Variants in SGCD observed in about 807,000 individuals in gnomAD.
The protein encoded by SGCD is sarcoglycan delta.
A neutral mutation model predicts 36.6 loss-of-function variants in SGCD; 18 were observed. The ratio of observed to expected loss-of-function variants is 0.49; its 90% CI spans 0.34 to 0.73. The LOEUF (loss-of-function observed/expected upper bound fraction) is 0.73. SGCD is among the 30% of genes least tolerant of loss of function. The pLI is 0.01. For synonymous variants in SGCD, 133 were observed against 130.6 expected, an observed-to-expected ratio of 1.02 and a Z score of -0.12; for missense variants, 387 against 346.7, an observed-to-expected ratio of 1.12 and a Z score of -0.92.
At chr5:156,098,823 C>T (rs1224864797) in intron 1 of SGCD, among the ~76,000 whole-genome samples, 3 of 152,168 alleles carry the variant, frequency 2.0e-5, no homozygotes. Context: ...CTGGTTCAGG[C>T]TGCTTACTGT....
At chr5:156,532,644 G>A (rs1757934637) in intron 4 of SGCD, among the ~76,000 whole-genome samples, 1 of 151,960 alleles carries the variant, frequency 6.6e-6, no homozygotes, top group African/African-American at 2.4e-5. Context: ...TATTTTTTTA[G>A]TTGAGACAGG....
chr5:156,145,969 T>C (rs1309061262), intron 3 of SGCD, among the ~76,000 whole-genome samples: 4 of 152,290 alleles, frequency 2.6e-5, no homozygotes, highest in African/African-American at 9.6e-5. Context: ...ATACCAGCAC[T>C]TTGGGAGGCC....
At chr5:156,423,323 T>TATTATA (rs1561685657) in intron 3 of SGCD, among the ~76,000 whole-genome samples, 1 of 68,210 alleles carries the variant, frequency 1.5e-5, no homozygotes, top group Non-Finnish European at 2.4e-5. Flanking sequence ...TAATATAATA[T>TATTATA]ATTTTATTAT....
chr5:156,412,843 C>T (rs891515308), intron 3 of SGCD, among the ~76,000 whole-genome samples: 9 of 142,874 alleles, frequency 6.3e-5, no homozygotes, highest in African/African-American at 1.6e-4. Flanking sequence ...GGCCGGACTG[C>T]GGACTGCAGT....
At chr5:156,737,187 A>G (rs1321876730) in intron 7 of SGCD, among the ~76,000 whole-genome samples, 1 of 152,214 alleles carries the variant, frequency 6.6e-6, no homozygotes, top group Non-Finnish European at 1.5e-5. Context: ...GCTGATTACA[A>G]TGTACTTTTT....
chr5:156,256,899 CT>C (rs1440694270), intron 3 of SGCD, among the ~76,000 whole-genome samples: 1 of 152,148 alleles, frequency 6.6e-6, no homozygotes, highest in Non-Finnish European at 1.5e-5. Context: ...AAAAATGAGG[CT>C]GAGCGTGGTG....
At position 156,221,676 on chromosome 5, in the gene SGCD, T is replaced by A. The variant is rs568093821; in HGVS notation, c.-44+97657T>A. Among the ~76,000 whole-genome samples the A allele has an allele frequency of 1.2e-4, 18 of 152,144 alleles. No homozygotes were observed. In the South Asian group the frequency reaches 3.7e-3, roughly 32 times the overall value. ...TTATTATTCTCATTATTATTGGAGA[T>A]TTGTTGTATTATTGGGAATAAAATC... On this transcript the variant is annotated intron_variant, in intron 3 of 9. Transcript: ENST00000517913.
chr5:155,945,677 A>G (rs1581005506), intron 1 of SGCD, among the ~76,000 whole-genome samples: 1 of 152,230 alleles, frequency 6.6e-6, no homozygotes, highest in African/African-American at 2.4e-5. Context: ...GGTGCCAGGG[A>G]CCCTCAAGGA....
chr5:155,757,264 G>C, the SGCD span, among the ~76,000 whole-genome samples: 1 of 152,180 alleles, frequency 6.6e-6, no homozygotes, highest in Non-Finnish European at 1.5e-5. Context: ...CAATGAGCCA[G>C]TATTTATTGA....
chr5:156,353,463 G>A (rs1397801664), intron 3 of SGCD, among the ~76,000 whole-genome samples: 1 of 152,228 alleles, frequency 6.6e-6, no homozygotes, highest in African/African-American at 2.4e-5. Flanking sequence ...GAAGGGTAAT[G>A]ATGGAGTGTG....
At chr5:156,414,253 C>A (rs1393982935) in intron 3 of SGCD, among the ~76,000 whole-genome samples, 1 of 152,194 alleles carries the variant, frequency 6.6e-6, no homozygotes, top group Non-Finnish European at 1.5e-5. Flanking sequence ...TCTTATACAT[C>A]TCTACCAGGC....
chr5:156,287,920 T>C (rs1489045332), intron 3 of SGCD, among the ~76,000 whole-genome samples: 2 of 151,998 alleles, frequency 1.3e-5, no homozygotes, highest in East Asian at 1.9e-4. Flanking sequence ...AGGCTAGAGA[T>C]AGAAAATATA....
chr5:156,752,292 G>A (rs989969096), intron 7 of SGCD, among the ~76,000 whole-genome samples: 18 of 152,246 alleles, frequency 1.2e-4, no homozygotes, highest in South Asian at 1.0e-3. Context: ...TGTTACTCCC[G>A]GGGGGAAGGA....
At position 156,730,552 on chromosome 5, in the gene SGCD, G is replaced by T. The variant is rs540242146; in HGVS notation, c.576-27029G>T. ...CCATCCATATTCCTGCAAAGGATATGATTTCATTTTTTTATGGCTGCATAG... is the reference window on the plus strand; with the variant it reads ...CCATCCATATTCCTGCAAAGGATATTATTTCATTTTTTTATGGCTGCATAG... On this transcript the variant is annotated intron_variant, in intron 7 of 8. Transcript: ENST00000337851. Among the ~76,000 whole-genome samples the T allele has an allele frequency of 7.2e-5, 11 of 152,186 alleles. No homozygotes were observed. In the South Asian group the frequency reaches 2.3e-3, roughly 32 times the overall value.
chr5:156,595,054 A>G lies in SGCD; in HGVS notation c.502+3A>G. The G allele has an allele frequency of 6.2e-7, 1 of 1,608,898 alleles. No homozygotes were observed. Among genetic ancestry groups the G allele is most frequent in the South Asian group, 1.1e-5 (1 of 90,030 alleles). ...AGCTGAAAGATTACGAGTTTTAGGT[A>G]AGGAAACTTGAATCATTTAACTTGT... is the stretch of plus-strand genomic sequence containing the variant. On this transcript the variant is annotated splice_donor_region_variant and intron_variant, in intron 6 of 8. Transcript: ENST00000337851.
intron 3 of SGCD, among the ~76,000 whole-genome samples, chr5:156,193,209 G>C (rs1229965009): frequency 1.3e-5 from 2 of 152,014 alleles, no homozygotes; most frequent in African/African-American, 4.8e-5. Context: ...CTGGACTCCT[G>C]TGCTTCCAGA....
At chr5:155,764,833 G>C in the SGCD span, among the ~76,000 whole-genome samples, 1 of 152,120 alleles carries the variant, frequency 6.6e-6, no homozygotes, top group Non-Finnish European at 1.5e-5. Flanking sequence ...TAAGATCTGG[G>C]GGGAGGCAGA....
chr5:156,427,463 T>C (rs1053368783), intron 3 of SGCD, among the ~76,000 whole-genome samples: 3 of 152,114 alleles, frequency 2.0e-5, no homozygotes, highest in Non-Finnish European at 2.9e-5. Context: ...GTTTTTTAGA[T>C]GTACAATCAT....
At chr5:155,792,629 A>C in the SGCD span, among the ~76,000 whole-genome samples, 1 of 152,182 alleles carries the variant, frequency 6.6e-6, no homozygotes, top group East Asian at 1.9e-4. Context: ...GAAGACATGC[A>C]AGGAGCCAAC....
Sources: gnomAD v4.1 joint callset for allele counts (sites outside exome capture counted in the v4.1 genomes callset) on GRCh38, gnomAD v4.1.1 for gene constraint, MANE v1.5 for transcripts, NCBI Gene and HGNC (gene_info 2026-07-23, HGNC 2026-07-21) for gene names.